Variants in PRELID2 observed in about 807,000 individuals in gnomAD.
PRELID2 encodes the protein PRELI domain containing 2.
A neutral mutation model predicts 28.4 loss-of-function variants in PRELID2; 25 were observed. That is an observed-to-expected ratio of 0.88 (90% CI 0.64 to 1.23). The LOEUF is 1.23. Among genes scored for constraint, PRELID2 ranks in the 50% most tolerant of loss-of-function variants. PRELID2 has a pLI of 0.00. For synonymous variants in PRELID2, 76 were observed against 71.6 expected (o/e 1.06, Z -0.31); for missense variants, 201 against 214.4 (o/e 0.94, Z 0.39).
intron 1 of PRELID2, among the ~76,000 whole-genome samples, chr5:145,637,202 C>T (rs991614256): frequency 3.9e-5 from 6 of 152,086 alleles, no homozygotes; most frequent in Non-Finnish European, 7.4e-5. Context: ...TAACAACCAA[C>T]GTTTATTGGG....
chr5:145,665,986 TAAA>T (rs79255272), intron 1 of PRELID2, among the ~76,000 whole-genome samples: 3,970 of 138,194 alleles, frequency 0.029, 165 homozygotes, highest in African/African-American at 0.094. Flanking sequence ...GTCTTTTTTT[TAAA>T]AAAAAAAAAA....
At chr5:145,556,839 T>C (rs1032269326) in intron 1 of PRELID2, among the ~76,000 whole-genome samples, 1 of 152,302 alleles carries the variant, frequency 6.6e-6, no homozygotes, top group East Asian at 1.9e-4. Flanking sequence ...CCTCAGTCTC[T>C]AACACTCCTG....
At chr5:145,270,185 G>A in the PRELID2 span, among the ~76,000 whole-genome samples, 473 of 151,812 alleles carry the variant, frequency 3.1e-3, 4 homozygotes, top group Non-Finnish European at 2.8e-3. Flanking sequence ...ACTCTTCAGC[G>A]GCTTCTTTAA....
intron 1 of PRELID2, among the ~76,000 whole-genome samples, chr5:145,589,697 G>A (rs907649307): frequency 2.6e-5 from 4 of 151,884 alleles, no homozygotes; most frequent in African/African-American, 9.7e-5. Context: ...CACATTTATT[G>A]AAGACATTTT....
chr5:145,633,968 A>G (rs946753425), intron 1 of PRELID2, among the ~76,000 whole-genome samples: 2 of 152,230 alleles, frequency 1.3e-5, no homozygotes, highest in African/African-American at 4.8e-5. Flanking sequence ...GAGAGCACAG[A>G]TGCCTCATGT....
At chr5:145,710,231 A>T (rs1391997754) in intron 1 of PRELID2, among the ~76,000 whole-genome samples, 2 of 152,158 alleles carry the variant, frequency 1.3e-5, no homozygotes, top group Non-Finnish European at 2.9e-5. Context: ...TATGTTATAT[A>T]TATGATAAGT....
At chr5:145,431,005 G>GTTT in the PRELID2 span, among the ~76,000 whole-genome samples, 2 of 86,886 alleles carry the variant, frequency 2.3e-5, 1 homozygote, top group South Asian at 7.3e-4. Context: ...CCCTGGCAAT[G>GTTT]GTTTTTTTTT....
intron 1 of PRELID2, among the ~76,000 whole-genome samples, chr5:145,589,121 A>G (rs1048695246): frequency 1.3e-5 from 2 of 152,100 alleles, no homozygotes; most frequent in Admixed American, 6.6e-5. Context: ...CTGCACAAAC[A>G]GTTTAAAATT....
chr5:145,786,092 T>A (rs1581199889), intron 5 of PRELID2, among the ~76,000 whole-genome samples: 1 of 152,322 alleles, frequency 6.6e-6, no homozygotes, highest in East Asian at 1.9e-4. Context: ...CACAGAAATT[T>A]CCATAAACTG....
downstream of PRELID2, among the ~76,000 whole-genome samples, chr5:145,469,109 C>G (rs967255879): frequency 4.3e-4 from 65 of 152,124 alleles, no homozygotes; most frequent in Non-Finnish European, 8.4e-4. Context: ...TTGGCTGGGA[C>G]TAAGTAGCAG....
chr5:145,645,569 T>C (rs888682995), intron 1 of PRELID2, among the ~76,000 whole-genome samples: 1 of 152,096 alleles, frequency 6.6e-6, no homozygotes, highest in Non-Finnish European at 1.5e-5. Flanking sequence ...AATCTGATCC[T>C]GTCCTTATGA....
chr5:145,286,729 T>TG, the PRELID2 span, among the ~76,000 whole-genome samples: 166 of 145,806 alleles, frequency 1.1e-3, no homozygotes, highest in African/African-American at 4.1e-3. Flanking sequence ...TGTTTGTTTT[T>TG]TTTTTTTTTT....
chr5:145,829,976 C>T (rs754439509), intron 1 of PRELID2, among the ~76,000 whole-genome samples: 2 of 152,178 alleles, frequency 1.3e-5, no homozygotes, highest in Non-Finnish European at 1.5e-5. Context: ...ATAAATAACA[C>T]CCAGGGTCAT....
intron 5 of PRELID2, among the ~76,000 whole-genome samples, chr5:145,769,655 T>C (rs1209517026): frequency 6.6e-6 from 1 of 152,206 alleles, no homozygotes; most frequent in African/African-American, 2.4e-5. Flanking sequence ...CTCATTCAAT[T>C]ATCAGTGATA....
the PRELID2 span, among the ~76,000 whole-genome samples, chr5:145,369,739 C>T: frequency 1.3e-5 from 2 of 152,114 alleles, no homozygotes; most frequent in Admixed American, 1.3e-4. Flanking sequence ...TTCCCACCAA[C>T]AGTGTAAAAG....
chr5:145,362,490 A>T, the PRELID2 span, among the ~76,000 whole-genome samples: 1 of 152,158 alleles, frequency 6.6e-6, no homozygotes, highest in African/African-American at 2.4e-5. Flanking sequence ...TCCTTAAAGC[A>T]AGTTTCTAAT....
intron 1 of PRELID2, among the ~76,000 whole-genome samples, chr5:145,568,181 C>T (rs1181306393): frequency 1.3e-5 from 2 of 152,170 alleles, no homozygotes; most frequent in East Asian, 1.9e-4. Context: ...AATCAAACTA[C>T]TCAATTTCCT....
intron 1 of PRELID2, among the ~76,000 whole-genome samples, chr5:145,613,182 T>C (rs114221670): frequency 0.02 from 2,982 of 152,224 alleles, 40 homozygotes; most frequent in Middle Eastern, 0.082. Flanking sequence ...CTTGCAGGAG[T>C]GAGGTAGTAT....
At chr5:145,334,808 G>A in the PRELID2 span, among the ~76,000 whole-genome samples, 1 of 146,990 alleles carries the variant, frequency 6.8e-6, no homozygotes, top group African/African-American at 2.5e-5. Flanking sequence ...GGATATAGCA[G>A]CTCACTCTTT....
Sources: allele counts gnomAD v4.1 joint callset (sites outside exome capture counted in the v4.1 genomes callset), GRCh38; gene constraint gnomAD v4.1.1; transcripts MANE v1.5; gene names NCBI Gene and HGNC (gene_info 2026-07-23, HGNC 2026-07-21).